The following MAPK4 variants were observed in gnomAD, a reference collection of about 807,000 sequenced individuals.
The protein encoded by MAPK4 is Erk3-related.
MAPK4 carries 22 observed loss-of-function variants against 47.7 expected under a neutral mutation model. The observed-to-expected ratio is 0.46, with a 90% CI of 0.33 to 0.66. The LOEUF is 0.66. Ranked by LOEUF, MAPK4 falls within the 30% of genes least tolerant of loss-of-function variation. MAPK4 has a pLI of 0.02. For missense variants in MAPK4, 736 were observed against 831.7 expected, an observed-to-expected ratio of 0.88 and a Z score of 1.42; for synonymous variants, 390 against 365.7, an observed-to-expected ratio of 1.07 and a Z score of -0.76.
At chr18:50,616,110 A>C (rs1424002125) in intron 1 of MAPK4, among the ~76,000 whole-genome samples, 3 of 152,132 alleles carry the variant, frequency 2.0e-5, no homozygotes, top group African/African-American at 7.2e-5. Flanking sequence ...CTGTGTATTT[A>C]TTTGCCAAAG....
chr18:50,584,272 A>G (rs1193044346), intron 1 of MAPK4, among the ~76,000 whole-genome samples: 1 of 152,206 alleles, frequency 6.6e-6, no homozygotes, highest in African/African-American at 2.4e-5. Context: ...AGAATCACAC[A>G]GACCTATGGG....
chr18:50,577,968 T>A (rs1301069530), intron 1 of MAPK4, among the ~76,000 whole-genome samples: 8 of 152,190 alleles, frequency 5.3e-5, no homozygotes, highest in Non-Finnish European at 1.2e-4. Context: ...TCTGTAACAT[T>A]AAGGTACTCC....
At chr18:50,582,485 G>A (rs1206318215) in intron 1 of MAPK4, among the ~76,000 whole-genome samples, 1 of 152,268 alleles carries the variant, frequency 6.6e-6, no homozygotes, top group Non-Finnish European at 1.5e-5. Context: ...GCACTGGGCA[G>A]GTGGGTAGAC....
intron 1 of MAPK4, among the ~76,000 whole-genome samples, chr18:50,579,856 T>A (rs1386833397): frequency 6.6e-6 from 1 of 152,194 alleles, no homozygotes; most frequent in Non-Finnish European, 1.5e-5. Context: ...AATTGTTGGC[T>A]AGGGACAAGT....
intron 1 of MAPK4, among the ~76,000 whole-genome samples, chr18:50,585,097 G>A (rs1042846952): frequency 1.3e-5 from 2 of 152,190 alleles, no homozygotes; most frequent in Non-Finnish European, 2.9e-5. Context: ...GGTGTTTTTA[G>A]GTTCTCAATC....
chr18:50,656,128 A>G (rs530292567), intron 1 of MAPK4, among the ~76,000 whole-genome samples: 2 of 152,348 alleles, frequency 1.3e-5, no homozygotes, highest in South Asian at 4.1e-4. Context: ...TAGAAAGTCA[A>G]GAACTGCAGA....
Position 50,729,852 on chromosome 18 carries a change from T to G in MAPK4, c.1762T>G (p.Ter588GlyextTer40). 1 of 1,608,664 alleles carries G rather than the reference T, an allele frequency of 6.2e-7. No homozygotes were observed. The highest frequency in any genetic ancestry group is 8.5e-7 in the Non-Finnish European group (1 of 1,177,730). The change falls in exon 6 of 6, where the codon TGA becomes GGA. Residue 588 changes from the stop codon to glycine, a stop_lost. Coordinates refer to ENST00000400384, the MANE Select transcript of MAPK4 (RefSeq NM_002747.4). The stretch of plus-strand genomic sequence containing the variant: ...CGAGGCCTTCTCCAAAGAAAGGTGG[T>G]GAGGGCGGAGGGGCCGCTCCAGGCC... ...QTEAFSKERW[*>G]
chr18:50,697,156 T>A (rs1418106981), intron 2 of MAPK4, among the ~76,000 whole-genome samples: 4 of 152,202 alleles, frequency 2.6e-5, no homozygotes, highest in Non-Finnish European at 5.9e-5. Flanking sequence ...ATGCTTAAGG[T>A]TGAGAATTGC....
chr18:50,704,854 G>T (rs1909970337), intron 2 of MAPK4: 1 of 398,388 alleles, frequency 2.5e-6, no homozygotes. Flanking sequence ...GAAACAGAGG[G>T]TGAGGAGCAC....
At chr18:50,631,445 A>G (rs1471306146) in intron 1 of MAPK4, among the ~76,000 whole-genome samples, 3 of 151,912 alleles carry the variant, frequency 2.0e-5, no homozygotes. Flanking sequence ...CCATGAGACC[A>G]CTCCATTGTT....
At position 50,581,281 on chromosome 18, in the gene MAPK4, G is replaced by A. The variant is rs533007526; in HGVS notation, c.-871+21038G>A. On this transcript the variant is annotated intron_variant, in intron 1 of 5. Coordinates refer to ENST00000400384, the MANE Select transcript of MAPK4 (RefSeq NM_002747.4). ...CTAGTTCAGGGACTCTCATGAGGCT[G>A]CAGTCATGGTGTTGGTGAGGGCCAC... Among the ~76,000 whole-genome samples the A allele has an allele frequency of 9.2e-4, 140 of 152,322 alleles. 1 individual carries two copies. Among genetic ancestry groups the A allele is most frequent in the African/African-American group, 3.3e-3 (136 of 41,558 alleles).
chr18:50,572,052 C>T (rs752721671), intron 1 of MAPK4, among the ~76,000 whole-genome samples: 2 of 152,148 alleles, frequency 1.3e-5, no homozygotes, highest in Non-Finnish European at 2.9e-5. Context: ...AATGGTGTAA[C>T]TATGGTGGAT....
chr18:50,729,241 C>T lies in MAPK4; in HGVS notation c.1151C>T (p.Ala384Val). ...DASEVQRDPR[A>V]GSAPLAEDVQ... is the part of the protein sequence containing the mutation. ...AGCGAGGTACAGCGCGACCCGCGCG[C>T]GGGTTCGGCGCCACTGGCTGAGGAC... Residue 384 changes from alanine (A) to valine (V), a missense_variant, in exon 6 of 6, where the codon GCG becomes GTG. By Grantham distance (64) the Ala-to-Val change is moderately conservative (BLOSUM62 0). Transcript: ENST00000400384. 1.2e-6 allele frequency: 2 copies of T among 1,608,198 alleles called. No individual in the cohort carries two copies. Among genetic ancestry groups the T allele is most frequent in the Non-Finnish European group, 1.7e-6 (2 of 1,176,418 alleles).
chr18:50,612,939 G>A (rs1217285099), intron 1 of MAPK4, among the ~76,000 whole-genome samples: 6 of 152,138 alleles, frequency 3.9e-5, no homozygotes, highest in Admixed American at 6.5e-5. Context: ...CCTTGTAGCC[G>A]GAGAAACATA....
At chr18:50,715,026 G>A (rs1000924120) in intron 2 of MAPK4, 53 bp from the exon 3 acceptor site, 23 of 1,584,066 alleles carry the variant, frequency 1.5e-5, no homozygotes, top group East Asian at 2.2e-5. Context: ...AGGCGTGGGA[G>A]GAAGGGTATC....
intron 2 of MAPK4, among the ~76,000 whole-genome samples, chr18:50,672,543 C>T (rs1285923603): frequency 3.9e-5 from 6 of 152,062 alleles, no homozygotes; most frequent in Non-Finnish European, 7.4e-5. Flanking sequence ...AAGAGGATCC[C>T]GAGAAGAGGC....
At chr18:50,599,523 A>G (rs1182319859) in intron 1 of MAPK4, among the ~76,000 whole-genome samples, 1 of 152,108 alleles carries the variant, frequency 6.6e-6, no homozygotes, top group African/African-American at 2.4e-5. Flanking sequence ...GGTTCAAGCA[A>G]TTCTCGTGCC....
chr18:50,729,508 CCACGGGGCTGGCGGA>C lies in MAPK4; in HGVS notation c.1426_1440del (p.Leu476_Gly480del). ...CAGGCGGCCGGCGCGCCCCCCACGG[CCACGGGGCTGGCGGA>C]CACGGGGGCGCGCGAGGACGAGCCG... On this transcript the variant is annotated inframe_deletion, in exon 6 of 6. Coordinates refer to ENST00000400384, the MANE Select transcript of MAPK4 (RefSeq NM_002747.4). 5.5e-6 allele frequency: 8 copies of C among 1,452,342 alleles called. No individual in the cohort carries two copies. Among genetic ancestry groups the C allele is most frequent in the South Asian group, 1.4e-5 (1 of 70,758 alleles). 90.0% of individuals were successfully genotyped at this position (1,452,342 alleles called of 1,614,324 possible). A position where few individuals can be genotyped will look rare whatever the true frequency, so the allele number is the denominator to read the frequency against.
intron 1 of MAPK4, among the ~76,000 whole-genome samples, chr18:50,662,480 T>C (rs1034525756): frequency 2.6e-5 from 4 of 152,194 alleles, no homozygotes; most frequent in Admixed American, 6.5e-5. Context: ...TGCACCCTGG[T>C]TTCTGGGCAA....
Sources: gnomAD v4.1 joint callset for allele counts (sites outside exome capture counted in the v4.1 genomes callset) on GRCh38, gnomAD v4.1.1 for gene constraint, MANE v1.5 for transcripts, NCBI Gene and HGNC (gene_info 2026-07-23, HGNC 2026-07-21) for gene names.